Variants in PHF24 observed in about 807,000 individuals in gnomAD.
The protein encoded by PHF24 is Galpha inhibitory interacting protein.
A neutral mutation model predicts 42.6 loss-of-function variants in PHF24; 25 were observed. The observed-to-expected ratio is 0.59, with a 90% CI of 0.43 to 0.82. PHF24 has a LOEUF of 0.82. PHF24 is among the 40% of genes least tolerant of loss of function. PHF24 has a pLI of 0.00. For synonymous variants in PHF24, 185 were observed against 204.8 expected (o/e 0.90, Z 0.83); for missense variants, 470 against 538.1 (o/e 0.87, Z 1.25).
the PHF24 span, among the ~76,000 whole-genome samples, chr9:34,676,840 C>T: frequency 6.6e-6 from 1 of 152,118 alleles, no homozygotes; most frequent in African/African-American, 2.4e-5. Flanking sequence ...GGAGATGCCA[C>T]ACGCTCTTAA....
At chr9:34,739,739 G>A in the PHF24 span, among the ~76,000 whole-genome samples, 16 of 152,242 alleles carry the variant, frequency 1.1e-4, no homozygotes, top group East Asian at 2.1e-3. Flanking sequence ...TGCAAAGAGC[G>A]AAAGAATAAA....
chr9:34,909,296 C>G, the PHF24 span, among the ~76,000 whole-genome samples: 1 of 152,116 alleles, frequency 6.6e-6, no homozygotes, highest in African/African-American at 2.4e-5. Context: ...TCTTTGGGGA[C>G]TAATTTGTTT....
chr9:34,800,138 T>C, the PHF24 span, among the ~76,000 whole-genome samples: 1 of 151,922 alleles, frequency 6.6e-6, no homozygotes, highest in African/African-American at 2.4e-5. Flanking sequence ...TTTATACAAA[T>C]TAAAAAAAAG....
chr9:34,922,712 T>C, the PHF24 span: 39 of 1,546,384 alleles, frequency 2.5e-5, no homozygotes, highest in Admixed American at 6.0e-4. Context: ...TCTCAGCACC[T>C]TCTGTCTTTT....
exon 5 of PHF24, chr9:34,976,643 A>G: frequency 1.2e-6 from 2 of 1,614,198 alleles, no homozygotes; most frequent in Non-Finnish European, 1.7e-6. Flanking sequence ...GCGGCCCGCC[A>G]GTTTGCTGCC....
At chr9:34,682,781 A>G in the PHF24 span, among the ~76,000 whole-genome samples, 1 of 152,216 alleles carries the variant, frequency 6.6e-6, no homozygotes, top group African/African-American at 2.4e-5. Context: ...GTGAATAGGA[A>G]ACTAGTAGTG....
the PHF24 span, among the ~76,000 whole-genome samples, chr9:34,937,694 C>T: frequency 6.6e-6 from 1 of 151,430 alleles, no homozygotes; most frequent in African/African-American, 2.4e-5. Context: ...AGCTGTCTGG[C>T]CTCGCTTGAT....
At chr9:34,916,942 G>T in the PHF24 span, among the ~76,000 whole-genome samples, 3 of 152,172 alleles carry the variant, frequency 2.0e-5, no homozygotes, top group South Asian at 2.1e-4. Context: ...TATGCAAATT[G>T]TTCCATAATT....
At chr9:34,671,638 A>G in the PHF24 span, among the ~76,000 whole-genome samples, 2 of 152,174 alleles carry the variant, frequency 1.3e-5, no homozygotes, top group Non-Finnish European at 2.9e-5. Context: ...TTGCATTCCA[A>G]GTGAGAAAGG....
At chr9:34,881,573 C>T in the PHF24 span, among the ~76,000 whole-genome samples, 2 of 152,144 alleles carry the variant, frequency 1.3e-5, no homozygotes, top group African/African-American at 4.8e-5. Context: ...TCAGAGAATA[C>T]TATAAACACC....
intron 1 of PHF24, among the ~76,000 whole-genome samples, chr9:34,960,277 C>T (rs1033227927): frequency 9.2e-5 from 14 of 152,204 alleles, no homozygotes; most frequent in Non-Finnish European, 1.0e-4. Flanking sequence ...CTAGTTAAAT[C>T]CTCCTTGAAC....
chr9:34,723,733 C>T, the PHF24 span: 1 of 1,551,726 alleles, frequency 6.4e-7, no homozygotes, highest in South Asian at 1.2e-5. Flanking sequence ...TCAGGAAAGG[C>T]TGACCCTGTG....
chr9:34,858,893 T>A, the PHF24 span, among the ~76,000 whole-genome samples: 1 of 152,160 alleles, frequency 6.6e-6, no homozygotes, highest in African/African-American at 2.4e-5. Context: ...TTGTTGAAAA[T>A]TGAACATTTG....
the PHF24 span, among the ~76,000 whole-genome samples, chr9:34,906,643 CAAAAAA>C: frequency 4.5e-5 from 3 of 66,142 alleles, no homozygotes; most frequent in African/African-American, 1.1e-4. Flanking sequence ...GACTCCATCT[CAAAAAA>C]AAAAAAAAAA....
At chr9:34,734,511 C>T in the PHF24 span, among the ~76,000 whole-genome samples, 1 of 152,196 alleles carries the variant, frequency 6.6e-6, no homozygotes, top group South Asian at 2.1e-4. Context: ...GATTCTTCTC[C>T]CTTCTCTTCC....
At chr9:34,883,261 C>T in the PHF24 span, among the ~76,000 whole-genome samples, 1 of 152,174 alleles carries the variant, frequency 6.6e-6, no homozygotes, top group East Asian at 1.9e-4. Flanking sequence ...CATAAAAACC[C>T]TAGAAGAAAA....
At chr9:34,732,037 T>G in the PHF24 span, among the ~76,000 whole-genome samples, 1 of 151,508 alleles carries the variant, frequency 6.6e-6, no homozygotes, top group African/African-American at 2.4e-5. Flanking sequence ...TTTTTTTTTT[T>G]TTTTTGTAGA....
At chr9:34,813,826 G>C in the PHF24 span, among the ~76,000 whole-genome samples, 1 of 152,186 alleles carries the variant, frequency 6.6e-6, no homozygotes, top group Non-Finnish European at 1.5e-5. Flanking sequence ...AAGAAGATGG[G>C]ATTACACAAA....
chr9:34,779,322 T>C, the PHF24 span, among the ~76,000 whole-genome samples: 2 of 152,130 alleles, frequency 1.3e-5, no homozygotes, highest in African/African-American at 4.8e-5. Context: ...TTGAAATGAT[T>C]AAATTAGTAA....
Sources: gnomAD v4.1 joint callset for allele counts (sites outside exome capture counted in the v4.1 genomes callset) on GRCh38, gnomAD v4.1.1 for gene constraint, MANE v1.5 for transcripts, NCBI Gene and HGNC (gene_info 2026-07-23, HGNC 2026-07-21) for gene names.